The following SLK variants were observed in gnomAD, a reference collection of about 807,000 sequenced individuals.
SLK encodes STE20 like kinase, also known as STE20-like serine/threonine-protein kinase.
In SLK, 67 loss-of-function variants were observed where a neutral mutation model predicts 147.7. The observed-to-expected ratio is 0.45, with a 90% CI of 0.37 to 0.56. The LOEUF (loss-of-function observed/expected upper bound fraction) is 0.56, where lower values mean the gene tolerates loss of function less well. Ranked by LOEUF, SLK falls within the 20% of genes least tolerant of loss-of-function variation. SLK has a pLI of 0.00. For synonymous variants in SLK, 441 were observed against 475.0 expected, an observed-to-expected ratio of 0.93 and a Z score of 0.93; for missense variants, 1,136 against 1,438.8, an observed-to-expected ratio of 0.79 and a Z score of 3.41.
At chr10:103,979,132 C>T (rs1012768881) in intron 1 of SLK, among the ~76,000 whole-genome samples, 4 of 152,188 alleles carry the variant, frequency 2.6e-5, no homozygotes, top group Non-Finnish European at 5.9e-5. Flanking sequence ...TCTCATGCCT[C>T]AGCCTCTGGA....
At chr10:104,005,137 G>A (rs2134503279) in intron 9 of SLK, among the ~76,000 whole-genome samples, 1 of 151,916 alleles carries the variant, frequency 6.6e-6, no homozygotes, top group South Asian at 2.1e-4. Context: ...TAAGAGATGA[G>A]CCCCACAAAT....
chr10:104,012,318 A>G (rs1844410679), intron 13 of SLK, among the ~76,000 whole-genome samples: 1 of 152,190 alleles, frequency 6.6e-6, no homozygotes, highest in African/African-American at 2.4e-5. Flanking sequence ...GGAAAATATA[A>G]TCTTAGAATT....
At position 104,003,409 on chromosome 10, in the gene SLK, A is replaced by G. The variant is rs1438542556; in HGVS notation, c.2231A>G (p.Lys744Arg). 1 of 1,614,078 alleles carries G rather than the reference A, an allele frequency of 6.2e-7. No individual in the cohort carries two copies. The highest frequency in any genetic ancestry group is 1.3e-5 in the African/African-American group (1 of 75,052). The change falls in exon 9 of 19, where the codon AAG (lysine) becomes AGG (arginine). Residue 744 changes from lysine to arginine, a missense_variant. Around this residue, in one of 6 missense-constraint regions of SLK, gnomAD observed 516 missense variants for 531.3 expected, o/e 0.97. Transcript: ENST00000369755. ...TILPPESENP[K>R]ENDNDSGTGS... ...CTGCCACCAGAATCTGAGAATCCAAAGGAAAATGATAATGATTCAGGCACT... is the reference window on the plus strand; with the variant it reads ...CTGCCACCAGAATCTGAGAATCCAAGGGAAAATGATAATGATTCAGGCACT...
intron 1 of SLK, among the ~76,000 whole-genome samples, chr10:103,984,634 G>A (rs1184096681): frequency 2.6e-5 from 4 of 152,116 alleles, no homozygotes; most frequent in Admixed American, 6.5e-5. Flanking sequence ...TGCTGGTCTC[G>A]AACTCTTGGG....
rs527875157 is a variant in SLK at position 104,004,907 on chromosome 10, C to G, written c.2350-654C>G. 2.0e-5 allele frequency among the ~76,000 whole-genome samples: 3 copies of G among 152,250 alleles called. No homozygotes were observed. The East Asian group carries it at 5.8e-4, about 29-fold the overall frequency. On this transcript the variant is annotated intron_variant, in intron 9 of 18. Coordinates refer to ENST00000369755, the MANE Select transcript of SLK (RefSeq NM_014720.4). ...TTTAGGTCATAGCTAGCAGCCAAAT[C>G]TGGTACTTTTGGGTGCAGCAGAGGC...
chr10:103,984,651 T>G (rs1278715362), intron 1 of SLK, among the ~76,000 whole-genome samples: 1 of 152,168 alleles, frequency 6.6e-6, no homozygotes, highest in Non-Finnish European at 1.5e-5. Context: ...TGGGCCCAAG[T>G]GATCTGCCCA....
intron 13 of SLK, among the ~76,000 whole-genome samples, chr10:104,016,267 C>T (rs1367433343): frequency 6.6e-6 from 1 of 151,068 alleles, no homozygotes; most frequent in Admixed American, 6.6e-5. Flanking sequence ...TGCAGTGAGC[C>T]GAGACCGTGC....
At chr10:103,968,026 A>ACTTAGCTACTC in intron 1 of SLK, 131 bp downstream of exon 1, 1 of 931,252 alleles carries the variant, frequency 1.1e-6, no homozygotes, top group Non-Finnish European at 1.6e-6. Context: ...ATGCAACTTT[A>ACTTAGCTACTC]CTTGGCTGAT....
At position 104,019,699 on chromosome 10, in the gene SLK, T is replaced by C. The variant is rs115954172; in HGVS notation, c.3133-35T>C. On this transcript the variant is annotated intron_variant, in intron 15 of 18. Transcript: ENST00000369755. ...ATGCATGTGGGTACTGACTATTGTT[T>C]CTGCGTCACTGGATTCTATTTAAAA... 1.7e-3 allele frequency: 2,623 copies of C among 1,517,222 alleles called. 33 individuals are homozygous for C. In the African/African-American group the frequency reaches 0.033, roughly 19 times the overall value. 94.0% of individuals were successfully genotyped at this position (1,517,222 alleles called of 1,614,324 possible).
chr10:104,006,454 G>T (rs572439988), intron 11 of SLK, among the ~76,000 whole-genome samples: 1 of 152,028 alleles, frequency 6.6e-6, no homozygotes, highest in African/African-American at 2.4e-5. Context: ...GACTCCTCAG[G>T]GGCTTTTTAA....
intron 4 of SLK, among the ~76,000 whole-genome samples, chr10:103,995,785 C>T (rs1471776739): frequency 6.6e-6 from 1 of 152,114 alleles, no homozygotes; most frequent in Non-Finnish European, 1.5e-5. Flanking sequence ...TATTTCAAGA[C>T]CACAGTCTGG....
chr10:104,003,562 T>A (rs2134500598), intron 9 of SLK, 35 bp downstream of exon 9: 1 of 1,499,668 alleles, frequency 6.7e-7, no homozygotes, highest in Admixed American at 2.3e-5. Flanking sequence ...GGGTTTTCCT[T>A]TGCCATTTTC....
intron 1 of SLK, among the ~76,000 whole-genome samples, chr10:103,986,701 C>G (rs1418722703): frequency 8.5e-6 from 1 of 117,884 alleles, no homozygotes; most frequent in East Asian, 2.8e-4. Flanking sequence ...TTCCCTGAGA[C>G]AGAGTCTTGG....
chr10:103,991,529 C>T (rs1844093593), intron 2 of SLK, among the ~76,000 whole-genome samples: 1 of 152,000 alleles, frequency 6.6e-6, no homozygotes, highest in Non-Finnish European at 1.5e-5. Context: ...ATAAGGAATA[C>T]CTGACTGGAT....
intron 1 of SLK, among the ~76,000 whole-genome samples, chr10:103,969,096 A>T (rs955774475): frequency 6.6e-5 from 10 of 151,928 alleles, no homozygotes; most frequent in Non-Finnish European, 1.3e-4. Context: ...AGCCTCCCGT[A>T]GTAGCTGGGT....
chr10:103,996,714 C>T (rs567392064), intron 4 of SLK, among the ~76,000 whole-genome samples: 16 of 152,136 alleles, frequency 1.1e-4, no homozygotes, highest in Non-Finnish European at 1.8e-4. Context: ...ATATTATGCT[C>T]GTACAATATT....
At chr10:103,980,154 C>T (rs1023354572) in intron 1 of SLK, among the ~76,000 whole-genome samples, 2 of 152,118 alleles carry the variant, frequency 1.3e-5, no homozygotes, top group Non-Finnish European at 2.9e-5. Context: ...TAATGGATGT[C>T]CGTACGCACA....
chr10:103,989,470 T>C (rs1015112170), intron 1 of SLK, among the ~76,000 whole-genome samples: 2 of 139,908 alleles, frequency 1.4e-5, no homozygotes, highest in Admixed American at 7.1e-5. Context: ...GTTTCTTTTT[T>C]TTTTTTTTTT....
At chr10:104,012,459 C>T (rs760290218) in intron 13 of SLK, among the ~76,000 whole-genome samples, 9 of 152,038 alleles carry the variant, frequency 5.9e-5, no homozygotes, top group East Asian at 1.9e-4. Flanking sequence ...TAATAGCAAA[C>T]GCAGCATTTA....
Sources: gnomAD v4.1 joint callset for allele counts (sites outside exome capture counted in the v4.1 genomes callset) on GRCh38, gnomAD v4.1.1 for gene constraint, gnomAD v4.1.1 regional missense constraint, MANE v1.5 for transcripts, NCBI Gene and HGNC (gene_info 2026-07-23, HGNC 2026-07-21) for gene names.